Variants in MYOM2 observed in about 807,000 individuals in gnomAD.
MYOM2 encodes myomesin 2, also known as myomesin-2.
MYOM2 carries 254 observed loss-of-function variants against 187.6 expected under a neutral mutation model. The ratio of observed to expected loss-of-function variants is 1.35; its 90% confidence interval spans 1.22 to 1.50. The LOEUF is 1.50. Ranked by LOEUF, MYOM2 falls within the 40% of genes most tolerant of loss-of-function variation. MYOM2 has a pLI of 0.00. For synonymous variants in MYOM2, 981 were observed against 753.8 expected (o/e 1.30, Z -4.94); for missense variants, 2,796 against 1,924.0 (o/e 1.45, Z -8.48).
At chr8:2,060,052 A>G (rs34402317) in intron 6 of MYOM2, among the ~76,000 whole-genome samples, 1 of 152,194 alleles carries the variant, frequency 6.6e-6, no homozygotes, top group South Asian at 2.1e-4. Context: ...CACACATTTC[A>G]TTTTTTAAAT....
intron 31 of MYOM2, among the ~76,000 whole-genome samples, chr8:2,126,839 G>A (rs1797661957): frequency 6.8e-6 from 1 of 146,844 alleles, no homozygotes; most frequent in Non-Finnish European, 1.5e-5. Flanking sequence ...CACTGGGAGA[G>A]GTTGATAGAG....
chr8:2,058,596 T>C (rs1193113891), intron 5 of MYOM2, among the ~76,000 whole-genome samples: 3 of 152,200 alleles, frequency 2.0e-5, no homozygotes, highest in Non-Finnish European at 4.4e-5. Flanking sequence ...TGTGCATTTA[T>C]ATGTGGGGTT....
At chr8:2,073,620 T>C in intron 10 of MYOM2, 120 bp downstream of exon 10, 2 of 1,232,886 alleles carry the variant, frequency 1.6e-6, no homozygotes, top group Admixed American at 2.9e-5. Flanking sequence ...ACTTTGCTCC[T>C]TGGAGACCCC....
At chr8:2,120,687 TAAA>T (rs1797415651) in intron 28 of MYOM2, among the ~76,000 whole-genome samples, 3 of 86,128 alleles carry the variant, frequency 3.5e-5, no homozygotes, top group Admixed American at 1.5e-4. Flanking sequence ...ATATTATATA[TAAA>T]TATATAATAT....
rs748516795 is a variant in MYOM2 at position 2,143,432 on chromosome 8, CGTG to C, written c.4060_4062del (p.Val1354del). ...GCAGGTTGATCGGCGGCTTGCCTGA[CGTG>C]GTGACCATCATGGAAGGGAAGGTGA... is the stretch of plus-strand genomic sequence containing the variant. On this transcript the variant is annotated inframe_deletion, in exon 36 of 37. Coordinates refer to ENST00000262113, the MANE Select transcript of MYOM2 (RefSeq NM_003970.4). 1.6e-5 allele frequency: 26 copies of C among 1,613,932 alleles called. No individual in the cohort carries two copies. The Admixed American group carries it at 3.5e-4, about 22-fold the overall frequency.
chr8:2,104,000 C>T (rs1456711090), intron 21 of MYOM2, among the ~76,000 whole-genome samples: 1 of 152,146 alleles, frequency 6.6e-6, no homozygotes, highest in Non-Finnish European at 1.5e-5. Context: ...AATTAAATCT[C>T]TGCCTGTGCA....
Position 2,092,531 on chromosome 8 carries a change from C to A in MYOM2, c.2003+11C>A. On this transcript the variant is annotated intron_variant, in intron 16 of 36. Transcript: ENST00000262113. Reference sequence around the variant, plus strand: ...CATCGGATACAACAGGTGCGGCCTCCCTCCCCAGCCCTGGAGTCAGCCTTG... The same window carrying A: ...CATCGGATACAACAGGTGCGGCCTCACTCCCCAGCCCTGGAGTCAGCCTTG... The A allele has an allele frequency of 6.2e-7, 1 of 1,612,902 alleles. No homozygotes were observed. The highest frequency in any genetic ancestry group is 2.2e-5 in the East Asian group (1 of 44,848).
chr8:2,105,367 C>T (rs1281052595), intron 21 of MYOM2, among the ~76,000 whole-genome samples: 3 of 152,170 alleles, frequency 2.0e-5, no homozygotes, highest in Non-Finnish European at 2.9e-5. Flanking sequence ...AGATGTGTCT[C>T]GTCCAATTCC....
intron 6 of MYOM2, among the ~76,000 whole-genome samples, chr8:2,061,942 G>C (rs1271419905): frequency 1.3e-5 from 2 of 152,220 alleles, no homozygotes; most frequent in Non-Finnish European, 2.9e-5. Flanking sequence ...CAATTGATGA[G>C]TGAAGGACAC....
At chr8:2,075,649 G>C (rs774640227) in intron 10 of MYOM2, among the ~76,000 whole-genome samples, 20 of 152,124 alleles carry the variant, frequency 1.3e-4, no homozygotes, top group Non-Finnish European at 2.2e-4. Context: ...ATTGCATTAG[G>C]GTCATCAATA....
At chr8:2,143,304 C>A in intron 35 of MYOM2, 97 bp from the exon 36 acceptor site, 1 of 1,370,894 alleles carries the variant, frequency 7.3e-7, no homozygotes, top group Non-Finnish European at 1.0e-6. Flanking sequence ...AAACTCCTCA[C>A]CACATTCACC....
intron 3 of MYOM2, among the ~76,000 whole-genome samples, chr8:2,054,272 C>G (rs917908370): frequency 6.6e-6 from 1 of 152,204 alleles, no homozygotes; most frequent in African/African-American, 2.4e-5. Context: ...CATTGGCGCT[C>G]TGAAGGCACT....
At chr8:2,104,102 G>A (rs952339413) in intron 21 of MYOM2, among the ~76,000 whole-genome samples, 5 of 151,940 alleles carry the variant, frequency 3.3e-5, no homozygotes, top group African/African-American at 9.7e-5. Context: ...GTGCAGGAAG[G>A]AGGGCATTTT....
intron 13 of MYOM2, among the ~76,000 whole-genome samples, chr8:2,083,514 T>C (rs1819705742): frequency 1.3e-5 from 2 of 152,198 alleles, no homozygotes; most frequent in African/African-American, 4.8e-5. Context: ...ACTAGCAGCA[T>C]CTCACGTGTG....
chr8:2,108,846 G>A lies in MYOM2; in HGVS notation c.3043+16G>A. 6.2e-7 allele frequency: 1 copy of A among 1,613,528 alleles called. No individual in the cohort carries two copies. The highest frequency in any genetic ancestry group is 8.5e-7 in the Non-Finnish European group (1 of 1,179,704). On this transcript the variant is annotated intron_variant, in intron 24 of 36. Transcript: ENST00000262113. The stretch of plus-strand genomic sequence containing the variant: ...AAGAACCCCAGTAAGTAAGCCTCCA[G>A]CCCTTCCCCTCTGCTTGCAGCTGCT...
At chr8:2,104,913 G>A (rs1296945983) in intron 21 of MYOM2, among the ~76,000 whole-genome samples, 2 of 152,126 alleles carry the variant, frequency 1.3e-5, no homozygotes, top group African/African-American at 4.8e-5. Flanking sequence ...CTATCTTAAC[G>A]ACCTAATCAC....
In MYOM2 at chr8:2,069,526, T is replaced by C. The variant is rs769744080; in HGVS notation, c.793+29T>C. 33 of 1,613,392 alleles carry C rather than the reference T, an allele frequency of 2.0e-5. No homozygotes were observed. In the South Asian group the frequency reaches 3.0e-4, roughly 14 times the overall value. ...AGTGGGTTTTTGTTTCTTTTCTGTG[T>C]GGTGAAATGTTTAGTGACATAGCAG... On this transcript the variant is annotated intron_variant, in intron 8 of 36. Coordinates refer to ENST00000262113, the MANE Select transcript of MYOM2 (RefSeq NM_003970.4).
Position 2,143,288 on chromosome 8 carries a change from G to A in MYOM2, c.4025-113G>A, listed in dbSNP as rs558856759. The A allele has an allele frequency of 2.2e-5, 26 of 1,200,958 alleles. No homozygotes were observed. The East Asian group carries it at 5.5e-4, about 25-fold the overall frequency. The allele number at this position is 1,200,958 out of a possible 1,614,324, so 74.4% of individuals were successfully genotyped here. On this transcript the variant is annotated intron_variant, in intron 35 of 36. Coordinates refer to ENST00000262113, the MANE Select transcript of MYOM2 (RefSeq NM_003970.4). ...TTTTCTTTGATGCTCGCTCTCTCCTGAGCATAAACTCCTCACCACATTCAC... is the reference window on the plus strand; with the variant it reads ...TTTTCTTTGATGCTCGCTCTCTCCTAAGCATAAACTCCTCACCACATTCAC...
intron 10 of MYOM2, among the ~76,000 whole-genome samples, chr8:2,073,826 C>T (rs145329543): frequency 1.3e-5 from 2 of 152,180 alleles, no homozygotes; most frequent in Admixed American, 6.5e-5. Context: ...TCTCAGGGAA[C>T]GTAGCCCGAG....
Sources: allele counts gnomAD v4.1 joint callset (sites outside exome capture counted in the v4.1 genomes callset), GRCh38; gene constraint gnomAD v4.1.1; transcripts MANE v1.5; gene names NCBI Gene and HGNC (gene_info 2026-07-23, HGNC 2026-07-21).